Variants in SLC39A4 observed in about 807,000 individuals in gnomAD.
SLC39A4 encodes the protein zinc transporter ZIP4.
A neutral mutation model predicts 56.6 loss-of-function variants in SLC39A4; 49 were observed. That is an observed-to-expected ratio of 0.87 (90% CI 0.69 to 1.10). SLC39A4 has a LOEUF of 1.10. Ranked by LOEUF, SLC39A4 falls within the 50% of genes least tolerant of loss-of-function variation. The pLI is 0.00. For synonymous variants in SLC39A4, 540 were observed against 420.4 expected, an observed-to-expected ratio of 1.28 and a Z score of -3.48; for missense variants, 993 against 864.2, an observed-to-expected ratio of 1.15 and a Z score of -1.87.
Position 144,413,228 on chromosome 8 carries a change from T to G in SLC39A4, c.1627+9A>C. ...CGCCCATCTCCTTCCAGGCCCCGCC[T>G]GCGCTCACCCAGCTCGTGTGGCAAC... On this transcript the variant is annotated intron_variant, in intron 10 of 11. Coordinates refer to ENST00000301305, the MANE Select transcript of SLC39A4 (RefSeq NM_130849.4). 6.9e-7 allele frequency: 1 copy of G among 1,457,276 alleles called. No homozygotes were observed. The highest frequency in any genetic ancestry group is 9.2e-7 in the Non-Finnish European group (1 of 1,092,358). The allele number at this position is 1,457,276 out of a possible 1,614,324, so 90.3% of individuals were successfully genotyped here.
Position 144,416,084 on chromosome 8 carries a change from G to T in SLC39A4, c.200C>A (p.Ser67Tyr), listed in dbSNP as rs1554873919. 6 of 1,599,310 alleles carry T rather than the reference G, an allele frequency of 3.8e-6. No homozygotes were observed. The highest frequency in any genetic ancestry group is 5.1e-6 in the Non-Finnish European group (6 of 1,176,368). Residue 67 changes from serine to tyrosine, a missense_variant, in exon 2 of 12, where the codon TCT becomes TAT. Physicochemically the swap from Ser to Tyr is moderately radical, Grantham distance 144 (BLOSUM62 -2). Transcript: ENST00000301305. ...GCCCAGGCCCAGGGCGTCCTCCACA[G>T]ACAGGCACTGTGGGCAGAGACAAGT... ...CANGPCGKCL[S>Y]VEDALGLGEP... is the part of the protein sequence containing the mutation.
rs782225436 is a variant in SLC39A4, at chr8:144,415,991, G to A, written c.293C>T (p.Ala98Val). 1 of 1,587,492 alleles carries A rather than the reference G, an allele frequency of 6.3e-7. No individual in the cohort carries two copies. Residue 98 changes from alanine (A) to valine (V), a missense_variant, in exon 2 of 12, where the codon GCC becomes GTC. Physicochemically the swap from Ala to Val is moderately conservative, Grantham distance 64. Transcript: ENST00000301305. ...GTTGCTGAGGTACAGGACGGCGGCG[G>A]CACTGAGGCGGGCGACGTACCTGGC... ...LEARYVARLS[A>V]AAVLYLSNPE... is the part of the protein sequence containing the mutation.
chr8:144,414,520 G>A (rs528498320), intron 5 of SLC39A4, 86 bp from the exon 6 acceptor site: 496 of 1,538,236 alleles, frequency 3.2e-4, no homozygotes, highest in Middle Eastern at 1.1e-3. Flanking sequence ...GCTGCAGGCC[G>A]TCAGTGTGGG....
chr8:144,413,879 G>C lies in SLC39A4; in HGVS notation c.1290C>G (p.Asp430Glu). 2 of 1,606,988 alleles carry C rather than the reference G, an allele frequency of 1.2e-6. No homozygotes were observed. The highest frequency in any genetic ancestry group is 2.2e-5 in the South Asian group (2 of 90,060). Residue 430 changes from aspartate to glutamate, a missense_variant and splice_region_variant, in exon 8 of 12, where the codon GAC becomes GAG. By Grantham distance (45) the Asp-to-Glu change is conservative. Coordinates refer to ENST00000301305, the MANE Select transcript of SLC39A4 (RefSeq NM_130849.4). ...FNLLLPRDPE[D>E]LEDGPCGHSS... ...TGTGGCCGCAGGGCCCGTCCTCCAG[G>C]TCCTGTGAGGGTAGGTGCTCAGTGT...
Position 144,414,909 on chromosome 8 carries a change from A to AGGACAG in SLC39A4, c.805-19_805-14dup. Reference sequence around the variant, plus strand: ...CACTCAGGCATACCTGGGGGGTGGCAGGACAGGCTCAGGGGCCCAAGCAGA... The same window carrying AGGACAG: ...CACTCAGGCATACCTGGGGGGTGGCAGGACAGGGACAGGCTCAGGGGCCCAAGCAGA... On this transcript the variant is annotated splice_polypyrimidine_tract_variant and intron_variant, in intron 4 of 11. Coordinates refer to ENST00000301305, the MANE Select transcript of SLC39A4 (RefSeq NM_130849.4). 6.2e-7 allele frequency: 1 copy of AGGACAG among 1,613,160 alleles called. No homozygotes were observed. Among genetic ancestry groups the AGGACAG allele is most frequent in the Non-Finnish European group, 8.5e-7 (1 of 1,179,930 alleles).
intron 1 of SLC39A4, chr8:144,416,381 TCCTGGGGA>T: frequency 6.9e-7 from 1 of 1,451,514 alleles, no homozygotes; most frequent in South Asian, 1.4e-5. Flanking sequence ...GGCCCTGGGG[TCCTGGGGA>T]GAAGAGGGAC....
At position 144,416,007 on chromosome 8, in the gene SLC39A4, C is replaced by A; in HGVS notation, c.277G>T (p.Val93Phe). The change falls in exon 2 of 12, where the codon GTC becomes TTC. Residue 93 changes from valine (V) to phenylalanine (F), a missense_variant. Physicochemically the swap from Val to Phe is conservative, Grantham distance 50. Coordinates refer to ENST00000301305, the MANE Select transcript of SLC39A4 (RefSeq NM_130849.4). ...ACGGCGGCGGCACTGAGGCGGGCGA[C>A]GTACCTGGCCTCCAGGACCGGGCCC... ...PPGPVLEARY[V>F]ARLSAAAVLY... The A allele has an allele frequency of 6.3e-7, 1 of 1,579,990 alleles. No individual in the cohort carries two copies. Among genetic ancestry groups the A allele is most frequent in the Non-Finnish European group, 8.6e-7 (1 of 1,164,366 alleles).
At position 144,416,766 on chromosome 8, in the gene SLC39A4, C is replaced by A. The variant is rs1822225507; in HGVS notation, c.24G>T (p.Glu8Asp). MASLVSL[E>D]LGLLLAVLVV... ...CCAGCACAGCCAGAAGCAGCCCCAG[C>A]TCCAGCGAGACCAGGGACGCCATAC... Residue 8 changes from glutamate (E) to aspartate (D), a missense_variant, in exon 1 of 12, where the codon GAG becomes GAT. By Grantham distance (45) the Glu-to-Asp change is conservative. Coordinates refer to ENST00000301305, the MANE Select transcript of SLC39A4 (RefSeq NM_130849.4). 1 of 1,612,576 alleles carries A rather than the reference C, an allele frequency of 6.2e-7. No individual in the cohort carries two copies. The highest frequency in any genetic ancestry group is 8.5e-7 in the Non-Finnish European group (1 of 1,179,892).
At position 144,413,577 on chromosome 8, in the gene SLC39A4, G is replaced by A. The variant is rs782212914; in HGVS notation, c.1420-10C>T. 4.5e-6 allele frequency: 7 copies of A among 1,551,298 alleles called. No individual in the cohort carries two copies. The South Asian group carries it at 7.1e-5, about 16-fold the overall frequency. On this transcript the variant is annotated splice_polypyrimidine_tract_variant and intron_variant, in intron 8 of 11. Transcript: ENST00000301305. ...GGCTCTCCTCCGCCACCTGGGAGGA[G>A]CCTTGAGTAAGTCCCGCCCGGAAGT...
At position 144,414,876 on chromosome 8, in the gene SLC39A4, G is replaced by A. The variant is rs139362669; in HGVS notation, c.825C>T (p.Asp275=). ...VWDTVCLSAR[D]VMAAYGLSEQ... Reference sequence around the variant, plus strand: ...CCGACAGTCCATATGCAGCCATCACGTCCCTGGCACTCAGGCATACCTGGG... The same window carrying A: ...CCGACAGTCCATATGCAGCCATCACATCCCTGGCACTCAGGCATACCTGGG... Residue 275 remains aspartate, a synonymous_variant, in exon 5 of 12, where the codon GAC becomes GAT. Transcript: ENST00000301305. 4.8e-5 allele frequency: 77 copies of A among 1,613,194 alleles called. No homozygotes were observed. Among genetic ancestry groups the A allele is most frequent in the East Asian group, 1.6e-4 (7 of 44,886 alleles).
chr8:144,413,535 A>G lies in SLC39A4; in HGVS notation c.1452T>C (p.Pro484=). ...VAEESPELLN[P]EPRRLSPELR... ...CACCTGGGCTCAGTCTCCTGGGCTC[A>G]GGGTTCAGCAGCTCCGGGCTCTCCT... Residue 484 remains proline (P), a synonymous_variant, in exon 9 of 12, where the codon CCT becomes CCC. Transcript: ENST00000301305. The G allele has an allele frequency of 6.4e-7, 1 of 1,556,122 alleles. No homozygotes were observed. The highest frequency in any genetic ancestry group is 8.7e-7 in the Non-Finnish European group (1 of 1,149,888).
At chr8:144,416,259 T>C (rs781957653) in intron 1 of SLC39A4, 168 bp from the exon 2 acceptor site, 3 of 1,559,594 alleles carry the variant, frequency 1.9e-6, no homozygotes, top group East Asian at 4.6e-5. Context: ...CTGTCCTGCT[T>C]CCCCAACTAC....
chr8:144,414,302 C>T lies in SLC39A4; in HGVS notation c.1109G>A (p.Gly370Asp). 1 of 1,606,912 alleles carries T rather than the reference C, an allele frequency of 6.2e-7. No homozygotes were observed. The highest frequency in any genetic ancestry group is 8.5e-7 in the Non-Finnish European group (1 of 1,177,932). Residue 370 changes from glycine to aspartate, a missense_variant, in exon 6 of 12, where the codon GGT becomes GAT. Physicochemically the swap from Gly to Asp is moderately conservative, Grantham distance 94 (BLOSUM62 -1). Coordinates refer to ENST00000301305, the MANE Select transcript of SLC39A4 (RefSeq NM_130849.4). Reference protein sequence around the residue: ...ILQTFLSLAVGAVTGDAVLHL... With the variant: ...ILQTFLSLAVDAVTGDAVLHL... ...CAGGACAGCGTCCCCAGTGACTGCA[C>T]CCACTGCCAGGCTCAGGAAGGTCTG...
chr8:144,415,753 C>A, intron 2 of SLC39A4, 57 bp downstream of exon 2: 1 of 1,529,972 alleles, frequency 6.5e-7, no homozygotes, highest in Non-Finnish European at 8.8e-7. Flanking sequence ...GGCCGGGTCC[C>A]ATGGGCCGTG....
At chr8:144,413,437 C>A in intron 9 of SLC39A4, 48 bp from the exon 10 acceptor site, 1 of 1,591,676 alleles carries the variant, frequency 6.3e-7, no homozygotes, top group Middle Eastern at 1.7e-4. Context: ...CGCCTACCGC[C>A]AAGCCTTGGG....
chr8:144,413,623 C>CGGGGCG (rs1375668706), intron 8 of SLC39A4, 56 bp from the exon 9 acceptor site: 34 of 1,547,144 alleles, frequency 2.2e-5, no homozygotes, highest in Non-Finnish European at 2.9e-5. Flanking sequence ...CGCGGTGGGG[C>CGGGGCG]GGGGCGGGGC....
chr8:144,414,998 G>T lies in SLC39A4; in HGVS notation c.780C>A (p.Ser260Arg). Reference protein sequence around the residue: ...SRDPVPLISSSNSSSVWDTVC... With the variant: ...SRDPVPLISSRNSSSVWDTVC... ...CCGTGTCCCACACACTGGAGCTGTT[G>T]CTGGAGCTGATGAGGGGCACAGGGT... The change falls in exon 4 of 12, where the codon AGC becomes AGA. Residue 260 changes from serine to arginine, a missense_variant. Transcript: ENST00000301305. The T allele has an allele frequency of 6.2e-7, 1 of 1,612,386 alleles. No individual in the cohort carries two copies. Among genetic ancestry groups the T allele is most frequent in the Non-Finnish European group, 8.5e-7 (1 of 1,179,968 alleles).
At chr8:144,414,239 G>A (rs782708864) in intron 6 of SLC39A4, 23 bp downstream of exon 6, 31 of 1,604,158 alleles carry the variant, frequency 1.9e-5, no homozygotes, top group Non-Finnish European at 2.6e-5. Context: ...GAGGGCCAGG[G>A]TCGCGGGTTT....
chr8:144,413,040 C>CACCT, intron 10 of SLC39A4, 94 bp from the exon 11 acceptor site: 1 of 1,505,644 alleles, frequency 6.6e-7, no homozygotes, highest in East Asian at 2.5e-5. Context: ...AGGCCCCGCC[C>CACCT]ACCTGTTCCC....
Sources: gnomAD v4.1 joint callset for allele counts on GRCh38, gnomAD v4.1.1 for gene constraint, MANE v1.5 for transcripts, NCBI Gene and HGNC (gene_info 2026-07-23, HGNC 2026-07-21) for gene names.